The following FARP1 variants were observed in gnomAD, a reference collection of about 807,000 sequenced individuals.
FARP1 encodes FERM, ARH/RhoGEF and pleckstrin domain protein 1.
A neutral mutation model predicts 128.8 loss-of-function variants in FARP1; 52 were observed. That is an observed-to-expected ratio of 0.40 (90% CI 0.32 to 0.51). The LOEUF is 0.51. Among genes scored for constraint, FARP1 ranks in the 20% least tolerant of loss-of-function variants. The pLI, the probability that FARP1 is intolerant of heterozygous loss-of-function variation, is 0.45. For missense variants in FARP1, 1,333 were observed against 1,367.9 expected (o/e 0.97, Z 0.40); for synonymous variants, 580 against 551.8 (o/e 1.05, Z -0.72).
chr13:98,328,492 T>C (rs561407277), intron 2 of FARP1: 1 of 152,352 alleles, frequency 6.6e-6, no homozygotes, highest in East Asian at 1.9e-4. Flanking sequence ...CAGCTTGAGG[T>C]GCGATGGCGA....
At chr13:98,309,464 C>T (rs563570091) in intron 2 of FARP1, among the ~76,000 whole-genome samples, 19 of 152,044 alleles carry the variant, frequency 1.2e-4, no homozygotes, top group East Asian at 1.2e-3. Context: ...CCACCGCGCC[C>T]GGCCAAGAGG....
At chr13:98,448,067 G>GT (rs1892967120) in intron 26 of FARP1, 169 bp from the exon 27 acceptor site, 4 of 647,194 alleles carry the variant, frequency 6.2e-6, no homozygotes, top group Non-Finnish European at 8.5e-6. Flanking sequence ...GGTCTCCACT[G>GT]TACCTCAGGA....
At chr13:98,368,805 A>G (rs917144363) in intron 5 of FARP1, among the ~76,000 whole-genome samples, 2 of 152,116 alleles carry the variant, frequency 1.3e-5, no homozygotes, top group African/African-American at 4.8e-5. Flanking sequence ...GACACTGTAA[A>G]TGGTAACTAT....
Position 98,390,890 on chromosome 13 carries a change from G to A in FARP1, c.1088+10G>A. 6.3e-7 allele frequency: 1 copy of A among 1,587,906 alleles called. No individual in the cohort carries two copies. Among genetic ancestry groups the A allele is most frequent in the Non-Finnish European group, 8.6e-7 (1 of 1,156,394 alleles). On this transcript the variant is annotated intron_variant, in intron 11 of 26. Coordinates refer to ENST00000319562, the MANE Select transcript of FARP1 (RefSeq NM_005766.4). ...AGGTGCAGTTTGAAAGGTAAGAGAA[G>A]CTTCAATGCTACTTCCAGTCTGAGA...
intron 2 of FARP1, among the ~76,000 whole-genome samples, chr13:98,255,788 G>A (rs1437261244): frequency 6.6e-6 from 1 of 152,194 alleles, no homozygotes; most frequent in East Asian, 1.9e-4. Flanking sequence ...GCTCATGACT[G>A]TGCTTGACCT....
chr13:98,262,947 T>G (rs1055433469), intron 2 of FARP1, among the ~76,000 whole-genome samples: 3 of 152,194 alleles, frequency 2.0e-5, no homozygotes, highest in Non-Finnish European at 2.9e-5. Context: ...TTACTAAGTC[T>G]CTGCCCCTTT....
chr13:98,174,529 A>C (rs1318503337), intron 1 of FARP1, among the ~76,000 whole-genome samples: 2 of 152,228 alleles, frequency 1.3e-5, no homozygotes, highest in African/African-American at 2.4e-5. Flanking sequence ...GCCCTTTGAC[A>C]GAACTGACAA....
intron 18 of FARP1, chr13:98,431,553 C>T (rs886236950): frequency 1.9e-5 from 5 of 259,336 alleles, no homozygotes; most frequent in Middle Eastern, 1.2e-3. Flanking sequence ...CCTCCACCTC[C>T]CGGGTTCAAG....
intron 2 of FARP1, among the ~76,000 whole-genome samples, chr13:98,336,064 C>T (rs1188370143): frequency 2.0e-5 from 3 of 152,104 alleles, no homozygotes; most frequent in African/African-American, 4.8e-5. Flanking sequence ...TTAGCTCTCT[C>T]AGGTAGGGAA....
At chr13:98,358,650 TTTTTTTC>T (rs1037073741) in intron 3 of FARP1, among the ~76,000 whole-genome samples, 1 of 152,180 alleles carries the variant, frequency 6.6e-6, no homozygotes, top group East Asian at 1.9e-4. Context: ...TTTCTTTTTC[TTTTTTTC>T]TTTTTTCTCA....
chr13:98,327,445 T>C (rs1887284001), intron 2 of FARP1, among the ~76,000 whole-genome samples: 1 of 152,208 alleles, frequency 6.6e-6, no homozygotes, highest in Non-Finnish European at 1.5e-5. Flanking sequence ...GATGGTTTAC[T>C]TTAAGATAAG....
At chr13:98,239,710 C>T (rs1273909859) in intron 2 of FARP1, among the ~76,000 whole-genome samples, 2 of 151,754 alleles carry the variant, frequency 1.3e-5, no homozygotes, top group Non-Finnish European at 1.5e-5. Context: ...CACTGAGTGG[C>T]GGGTGGCATT....
chr13:98,268,099 A>G lies in FARP1; in HGVS notation c.171+54686A>G, dbSNP rs368635608. On this transcript the variant is annotated intron_variant, in intron 2 of 26. Coordinates refer to ENST00000319562, the MANE Select transcript of FARP1 (RefSeq NM_005766.4). ...AAACTCTGTATCCATTTACATTTTT[A>G]ACTGGTTGAAGATGGAAAAAGAAGG... Among the ~76,000 whole-genome samples, 110 of 152,278 alleles carry G rather than the reference A, an allele frequency of 7.2e-4. No individual in the cohort carries two copies. In the South Asian group the frequency reaches 9.5e-3, roughly 13 times the overall value.
At chr13:98,262,599 T>C (rs1217076552) in intron 2 of FARP1, among the ~76,000 whole-genome samples, 1 of 152,238 alleles carries the variant, frequency 6.6e-6, no homozygotes, top group African/African-American at 2.4e-5. Context: ...TCCAGGCATA[T>C]GTTAATGAAA....
At chr13:98,390,710 A>G (rs912552337) in intron 10 of FARP1, 102 bp from the exon 11 acceptor site, 1 of 866,796 alleles carries the variant, frequency 1.2e-6, no homozygotes, top group Admixed American at 1.9e-5. Flanking sequence ...CATCTCTCCC[A>G]GTTAGGGAAG....
chr13:98,266,885 A>G (rs1415343171), intron 2 of FARP1, among the ~76,000 whole-genome samples: 1 of 151,854 alleles, frequency 6.6e-6, no homozygotes, highest in East Asian at 1.9e-4. Flanking sequence ...GCGGTGGTGC[A>G]CGTCTGTAAT....
chr13:98,183,567 A>C (rs1304386138), intron 1 of FARP1, among the ~76,000 whole-genome samples: 1 of 152,102 alleles, frequency 6.6e-6, no homozygotes, highest in Non-Finnish European at 1.5e-5. Context: ...ATTGTTAATA[A>C]TTTCTGAACA....
chr13:98,392,062 G>A (rs746964833), intron 11 of FARP1, among the ~76,000 whole-genome samples: 3 of 151,890 alleles, frequency 2.0e-5, no homozygotes, highest in East Asian at 1.9e-4. Flanking sequence ...TGCAGCTCTC[G>A]TTACAGACAT....
Position 98,176,728 on chromosome 13 carries a change from C to T in FARP1, c.-24+33236C>T, listed in dbSNP as rs1566701927. On this transcript the variant is annotated intron_variant, in intron 1 of 26. Coordinates refer to ENST00000319562, the MANE Select transcript of FARP1 (RefSeq NM_005766.4). The surrounding 1 kb of genome is among the most constrained non-coding windows in gnomAD (Gnocchi z 6.2). ...ACGTATGGGGCCCTTCCTCGCCATC[C>T]CCGAGGAGGAGTTGCCCATGGACGT... 1.9e-6 allele frequency: 3 copies of T among 1,614,170 alleles called. No homozygotes were observed. Among genetic ancestry groups the T allele is most frequent in the Non-Finnish European group, 2.5e-6 (3 of 1,180,040 alleles).
Sources: allele counts gnomAD v4.1 joint callset (sites outside exome capture counted in the v4.1 genomes callset), GRCh38; gene constraint gnomAD v4.1.1; non-coding constraint Gnocchi (gnomAD v3.1); transcripts MANE v1.5; gene names NCBI Gene and HGNC (gene_info 2026-07-23, HGNC 2026-07-21).